MTHFD1L: variants seen among roughly 807,000 people sequenced by gnomAD.
MTHFD1L encodes monofunctional C1-tetrahydrofolate synthase, mitochondrial.
Under a neutral mutation model 119.5 loss-of-function variants are expected in MTHFD1L, and 81 were observed. That is an observed-to-expected ratio of 0.68 (90% CI 0.57 to 0.82). The LOEUF (loss-of-function observed/expected upper bound fraction) is 0.82. Ranked by LOEUF, MTHFD1L falls within the 40% of genes least tolerant of loss-of-function variation. MTHFD1L has a pLI of 0.00. For missense variants in MTHFD1L, 1,125 were observed against 1,253.4 expected (o/e 0.90, Z 1.55); for synonymous variants, 430 against 475.2 (o/e 0.90, Z 1.24).
intron 7 of MTHFD1L, among the ~76,000 whole-genome samples, chr6:150,902,003 A>G (rs1785168004): frequency 6.6e-6 from 1 of 152,172 alleles, no homozygotes; most frequent in African/African-American, 2.4e-5. Flanking sequence ...AAATATATAC[A>G]GATCTCATAC....
rs371324778 is a variant in MTHFD1L, at chr6:151,069,251, TTCTC to T, written c.2848-23189_2848-23186del. Among the ~76,000 whole-genome samples, 277 of 136,676 alleles carry T rather than the reference TTCTC, an allele frequency of 2.0e-3. 3 individuals carry two copies. The highest frequency in any genetic ancestry group is 6.3e-3 in the African/African-American group (226 of 36,048). 89.7% of individuals were successfully genotyped at this position (136,676 alleles called of 152,430 possible). A position where few individuals can be genotyped will look rare whatever the true frequency, so the allele number is the denominator to read the frequency against. On this transcript the variant is annotated intron_variant, in intron 26 of 27. Coordinates refer to ENST00000367321, the MANE Select transcript of MTHFD1L (RefSeq NM_015440.5). ...AGGCCCAAAACTATCTTCTCTCTCT[TTCTC>T]TCTCTCTCTCTCTCTCTCTCTCTCT...
chr6:150,918,651 G>A lies in MTHFD1L; in HGVS notation c.967G>A (p.Ala323Thr). 6.2e-7 allele frequency: 1 copy of A among 1,614,026 alleles called. No individual in the cohort carries two copies. Among genetic ancestry groups the A allele is most frequent in the Non-Finnish European group, 8.5e-7 (1 of 1,179,880 alleles). The change falls in exon 9 of 28, where the codon GCA becomes ACA. Residue 323 changes from alanine (A) to threonine (T), a missense_variant. Coordinates refer to ENST00000367321, the MANE Select transcript of MTHFD1L (RefSeq NM_015440.5). ...IEEDDVILLAAALRIQNMVSS... is the reference protein window; with the variant it reads ...IEEDDVILLATALRIQNMVSS... The stretch of plus-strand genomic sequence containing the variant: ...GGAAGATGATGTGATTCTCCTTGCT[G>A]CAGCTCTGCGAATTCAGGTTTGTTC...
chr6:150,966,156 C>T (rs1771800), intron 19 of MTHFD1L, among the ~76,000 whole-genome samples: 69,727 of 151,888 alleles, frequency 0.46, 16,938 homozygotes, highest in South Asian at 0.56. Flanking sequence ...CTCGCATTGC[C>T]GTAAGGAACT....
chr6:150,946,479 A>G (rs1437074202), intron 15 of MTHFD1L, among the ~76,000 whole-genome samples: 1 of 152,302 alleles, frequency 6.6e-6, no homozygotes, highest in East Asian at 1.9e-4. Flanking sequence ...AGCAAACACT[A>G]CAATTATACT....
chr6:151,076,948 G>A (rs930948965), intron 26 of MTHFD1L, among the ~76,000 whole-genome samples: 34 of 152,116 alleles, frequency 2.2e-4, no homozygotes, highest in Admixed American at 2.1e-3. Flanking sequence ...GCAGTTTATT[G>A]TATGTAATTT....
rs60676562 is a variant in MTHFD1L, at chr6:151,039,829, C to T, written c.2847+2712C>T. Among the ~76,000 whole-genome samples the T allele has an allele frequency of 2.0e-5, 3 of 152,074 alleles. No individual in the cohort carries two copies. The highest frequency in any genetic ancestry group is 4.8e-5 in the African/African-American group (2 of 41,390). On this transcript the variant is annotated intron_variant, in intron 26 of 27. Coordinates refer to ENST00000367321, the MANE Select transcript of MTHFD1L (RefSeq NM_015440.5). The surrounding 1 kb of genome is among the most constrained non-coding windows in gnomAD (Gnocchi z 4.4). ...GCTCAGGAGGCTGAGGCAGGAGAAT[C>T]GCTTGAACCCGGGAGGCAGAAGTTG... is the stretch of plus-strand genomic sequence containing the variant.
intron 20 of MTHFD1L, among the ~76,000 whole-genome samples, chr6:151,005,392 G>T (rs1182780631): frequency 6.6e-6 from 1 of 152,112 alleles, no homozygotes; most frequent in East Asian, 1.9e-4. Context: ...ACATAAAAGT[G>T]ATTACATGCA....
intron 8 of MTHFD1L, among the ~76,000 whole-genome samples, chr6:150,906,159 G>A (rs1785868500): frequency 6.6e-6 from 1 of 152,216 alleles, no homozygotes; most frequent in Admixed American, 6.5e-5. Flanking sequence ...CGGATTGTTG[G>A]GAGGGATGGG....
At chr6:150,965,195 G>A (rs1266174944) in intron 19 of MTHFD1L, among the ~76,000 whole-genome samples, 158 bp downstream of exon 19, 1 of 151,954 alleles carries the variant, frequency 6.6e-6, no homozygotes, top group Non-Finnish European at 1.5e-5. Context: ...TTAGGAACCT[G>A]TATTAGTCCA....
At chr6:151,098,483 TTCC>T in intron 27 of MTHFD1L, among the ~76,000 whole-genome samples, 1 of 152,318 alleles carries the variant, frequency 6.6e-6, no homozygotes, top group Admixed American at 6.5e-5. Flanking sequence ...GTGTGCCTTC[TTCC>T]TTTCTGCTTC....
rs117432660 is a variant in MTHFD1L at position 150,930,079 on chromosome 6, T to C, written c.1256+3784T>C. On this transcript the variant is annotated intron_variant, in intron 11 of 27. Coordinates refer to ENST00000367321, the MANE Select transcript of MTHFD1L (RefSeq NM_015440.5). Reference sequence around the variant, plus strand: ...ATCCCTTAATAGCTGAATATTGATATCAGTTTAGATCACAGGCAACTATTT... The same window carrying C: ...ATCCCTTAATAGCTGAATATTGATACCAGTTTAGATCACAGGCAACTATTT... Among the ~76,000 whole-genome samples the C allele has an allele frequency of 8.7e-3, 1,318 of 152,304 alleles. 12 individuals are homozygous for C. The highest frequency in any genetic ancestry group is 0.011 in the Non-Finnish European group (722 of 68,032).
intron 24 of MTHFD1L, among the ~76,000 whole-genome samples, chr6:151,032,203 T>G (rs1043115791): frequency 1.3e-5 from 2 of 152,242 alleles, no homozygotes; most frequent in South Asian, 2.1e-4. Flanking sequence ...TCCCTGAGAC[T>G]GGTTAATGGA....
intron 7 of MTHFD1L, among the ~76,000 whole-genome samples, chr6:150,892,964 G>A (rs1257914228): frequency 6.6e-6 from 1 of 152,122 alleles, no homozygotes; most frequent in Non-Finnish European, 1.5e-5. Flanking sequence ...CCTAGGCATG[G>A]GTTAGTGTCC....
intron 7 of MTHFD1L, among the ~76,000 whole-genome samples, chr6:150,900,022 T>G (rs1013958782): frequency 1.3e-5 from 2 of 148,214 alleles, no homozygotes; most frequent in Non-Finnish European, 1.5e-5. Flanking sequence ...ATATTATATA[T>G]TTATATTTTT....
chr6:151,088,506 G>A (rs1180427167), intron 26 of MTHFD1L: 3 of 152,102 alleles, frequency 2.0e-5, no homozygotes, highest in African/African-American at 7.2e-5. Flanking sequence ...GCCCAGGCTG[G>A]AGTGCATTGG....
At chr6:150,869,077 G>C (rs1340442252) in intron 1 of MTHFD1L, among the ~76,000 whole-genome samples, 1 of 152,124 alleles carries the variant, frequency 6.6e-6, no homozygotes, top group Non-Finnish European at 1.5e-5. Context: ...TTGCAATTAA[G>C]TATTTTTAAT....
At chr6:150,898,619 G>A (rs916868218) in intron 7 of MTHFD1L, among the ~76,000 whole-genome samples, 17 of 152,142 alleles carry the variant, frequency 1.1e-4, no homozygotes, top group African/African-American at 2.7e-4. Context: ...GCTGCTGTTC[G>A]TCTAGGAGCC....
intron 26 of MTHFD1L, among the ~76,000 whole-genome samples, chr6:151,059,483 G>T (rs187585693): frequency 5.9e-5 from 9 of 152,214 alleles, no homozygotes; most frequent in Admixed American, 5.2e-4. Context: ...GGCCATGATT[G>T]TTGTTTTTAT....
intron 19 of MTHFD1L, among the ~76,000 whole-genome samples, chr6:150,965,520 G>A (rs1463383423): frequency 6.6e-6 from 1 of 152,044 alleles, no homozygotes; most frequent in Non-Finnish European, 1.5e-5. Flanking sequence ...AATTAGCCGG[G>A]CATTGTGGCA....
Sources: allele counts gnomAD v4.1 joint callset (sites outside exome capture counted in the v4.1 genomes callset), GRCh38; gene constraint gnomAD v4.1.1; non-coding constraint Gnocchi (gnomAD v3.1); transcripts MANE v1.5; gene names NCBI Gene and HGNC (gene_info 2026-07-23, HGNC 2026-07-21).